Variants in OR1L8 observed in about 807,000 individuals in gnomAD.
The protein encoded by OR1L8 is olfactory receptor 1L8.
For synonymous variants in OR1L8, 148 were observed against 147.0 expected, an observed-to-expected ratio of 1.01 and a Z score of -0.05; for missense variants, 330 against 377.4, an observed-to-expected ratio of 0.87 and a Z score of 1.04.
rs144079113 is a variant in OR1L8 at position 122,567,627 on chromosome 9, A to G, written c.851T>C (p.Met284Thr). 3 of 1,613,940 alleles carry G rather than the reference A, an allele frequency of 1.9e-6. No individual in the cohort carries two copies. The African/African-American group carries it at 4.0e-5, about 22-fold the overall frequency. The change falls in exon 5 of 5, where the codon ATG becomes ACG. Residue 284 changes from methionine to threonine, a missense_variant. Transcript: ENST00000641027. ...ATIVYTVLSS[M>T]LNPFIYSLRN... ...CAGGCTGTAGATAAAAGGATTGAGC[A>G]TGGATGACAAAACTGTGTAAACAAT... is the stretch of plus-strand genomic sequence containing the variant.
intron 4 of OR1L8, 26 bp from the exon 5 acceptor site, chr9:122,568,715 C>G: frequency 2.5e-6 from 1 of 399,068 alleles, no homozygotes; most frequent in Admixed American, 4.1e-5. Flanking sequence ...GAGAGTTTTC[C>G]TTTAGAAACT....
downstream of OR1L8, among the ~76,000 whole-genome samples, chr9:122,564,392 G>A (rs1043950931): frequency 1.3e-5 from 2 of 152,180 alleles, no homozygotes; most frequent in African/African-American, 4.8e-5. Context: ...TTTGTTTCCT[G>A]ACTTGTGGAG....
the OR1L8 span, among the ~76,000 whole-genome samples, chr9:122,552,461 C>CA: frequency 2.0e-5 from 3 of 151,662 alleles, no homozygotes; most frequent in African/African-American, 7.3e-5. Context: ...TGCATAGCAG[C>CA]AAAAAAGGGA....
the OR1L8 span, among the ~76,000 whole-genome samples, chr9:122,556,405 T>C: frequency 2.0e-5 from 3 of 152,156 alleles, no homozygotes; most frequent in African/African-American, 7.2e-5. Flanking sequence ...TGTGGGTCTA[T>C]TTCTGGGCTC....
chr9:122,553,901 C>T, the OR1L8 span: 3 of 1,613,960 alleles, frequency 1.9e-6, no homozygotes, highest in East Asian at 6.7e-5. Flanking sequence ...CTGTGTTTGT[C>T]ATCTCATCTC....
intron 3 of OR1L8, among the ~76,000 whole-genome samples, chr9:122,575,241 T>C (rs1242992243): frequency 6.6e-6 from 1 of 152,122 alleles, no homozygotes; most frequent in Non-Finnish European, 1.5e-5. Context: ...TTCTATTGTC[T>C]GGAAGAGATT....
chr9:122,570,137 CAT>C (rs1829516990), intron 4 of OR1L8, among the ~76,000 whole-genome samples: 2 of 148,714 alleles, frequency 1.3e-5, no homozygotes, highest in African/African-American at 2.5e-5. Flanking sequence ...CCGCAATAAA[CAT>C]ATGTGTGCAT....
the OR1L8 span, among the ~76,000 whole-genome samples, chr9:122,546,855 G>C: frequency 6.6e-6 from 1 of 151,966 alleles, no homozygotes; most frequent in African/African-American, 2.4e-5. Flanking sequence ...GTATGTATTC[G>C]GGGGGTACAT....
chr9:122,570,582 C>G (rs1395197778), intron 4 of OR1L8, among the ~76,000 whole-genome samples: 1 of 152,290 alleles, frequency 6.6e-6, no homozygotes, highest in East Asian at 1.9e-4. Context: ...ATTTGAAAGA[C>G]TTAAAAGAGG....
the OR1L8 span, among the ~76,000 whole-genome samples, chr9:122,548,529 G>A: frequency 6.6e-6 from 1 of 151,838 alleles, no homozygotes; most frequent in Admixed American, 6.6e-5. Flanking sequence ...TTAGGAGATG[G>A]TTATATGTTT....
At chr9:122,565,487 T>G (rs1829413195), downstream of OR1L8, among the ~76,000 whole-genome samples, 1 of 152,204 alleles carries the variant, frequency 6.6e-6, no homozygotes, top group Non-Finnish European at 1.5e-5. Context: ...CAGCAGCATG[T>G]ACTCCCACTA....
At position 122,568,626 on chromosome 9, in the gene OR1L8, A is replaced by G. The variant is rs1829483139; in HGVS notation, c.-149T>C. The G allele has an allele frequency of 8.8e-6, 5 of 567,192 alleles. No individual in the cohort carries two copies. Among genetic ancestry groups the G allele is most frequent in the South Asian group, 2.6e-5 (1 of 38,318 alleles). 35.1% of individuals were successfully genotyped at this position (567,192 alleles called of 1,614,324 possible). A position where few individuals can be genotyped will look rare whatever the true frequency, so the allele number is the denominator to read the frequency against. On this transcript the variant is annotated 5_prime_UTR_variant, in exon 5 of 5. It removes an upstream start codon present in the reference 5' UTR. Coordinates refer to ENST00000641027, the MANE Select transcript of OR1L8 (RefSeq NM_001004454.2). ...AATTGTGGGATGGCTTGTTCACCTC[A>G]TGGTCCTTGATGGGGTCCTCCCTTC...
At chr9:122,568,958 A>C (rs767485808) in intron 4 of OR1L8, among the ~76,000 whole-genome samples, 2 of 151,228 alleles carry the variant, frequency 1.3e-5, no homozygotes, top group East Asian at 3.9e-4. Flanking sequence ...CTGGGGAGTC[A>C]GACTGGGGGT....
chr9:122,582,135 C>A (rs908508748), intron 1 of OR1L8, among the ~76,000 whole-genome samples: 2 of 151,986 alleles, frequency 1.3e-5, no homozygotes, highest in Admixed American at 6.6e-5. Flanking sequence ...CAAGAAAAAG[C>A]AAATTTCTTT....
intron 1 of OR1L8, 78 bp from the exon 2 acceptor site, chr9:122,578,523 C>G (rs576043418): frequency 1.3e-5 from 2 of 151,516 alleles, no homozygotes; most frequent in East Asian, 3.9e-4. Context: ...CACCACAATT[C>G]ACAATTGCAA....
rs151064091 is a variant in OR1L8, at chr9:122,567,221, A to AG, written c.*326dup. 7.1e-3 allele frequency: 1,434 copies of AG among 203,258 alleles called. 28 individuals are homozygous for AG. Among genetic ancestry groups the AG allele is most frequent in the African/African-American group, 0.031 (1,367 of 43,572 alleles). 12.6% of individuals were successfully genotyped at this position (203,258 alleles called of 1,614,324 possible). On this transcript the variant is annotated 3_prime_UTR_variant, in exon 5 of 5. Transcript: ENST00000641027. ...TATATTGAAATGTGAAGAATTTTGG[A>AG]GGATCTGCCTTAATAAAAGGAGAGA...
chr9:122,568,252 T>C lies in OR1L8; in HGVS notation c.226A>G (p.Thr76Ala). The C allele has an allele frequency of 6.2e-7, 1 of 1,614,040 alleles. No individual in the cohort carries two copies. Among genetic ancestry groups the C allele is most frequent in the Non-Finnish European group, 8.5e-7 (1 of 1,179,962 alleles). The change falls in exon 5 of 5, where the codon ACA (threonine) becomes GCA (alanine). Residue 76 changes from threonine to alanine, a missense_variant. By Grantham distance (58) the Thr-to-Ala change is moderately conservative (BLOSUM62 0). Coordinates refer to ENST00000641027, the MANE Select transcript of OR1L8 (RefSeq NM_001004454.2). ...ATCAGCATCTTGGGGACAACGCTTG[T>C]TGTAAAGCAAATATCAGTGAGAGAC... ...FLSLTDICFT[T>A]SVVPKMLMNF... is the part of the protein sequence containing the mutation.
chr9:122,565,499 C>T (rs1268323919), downstream of OR1L8, among the ~76,000 whole-genome samples: 1 of 152,212 alleles, frequency 6.6e-6, no homozygotes, highest in Admixed American at 6.5e-5. Flanking sequence ...CTCCCACTAA[C>T]CAGGGCTGAC....
At chr9:122,576,089 T>C (rs563825241) in intron 3 of OR1L8, among the ~76,000 whole-genome samples, 1 of 152,346 alleles carries the variant, frequency 6.6e-6, no homozygotes, top group South Asian at 2.1e-4. Flanking sequence ...CTTAATAATA[T>C]TGTAAGGCTG....
Sources: gnomAD v4.1 joint callset for allele counts (sites outside exome capture counted in the v4.1 genomes callset) on GRCh38, gnomAD v4.1.1 for gene constraint, MANE v1.5 for transcripts, NCBI Gene and HGNC (gene_info 2026-07-23, HGNC 2026-07-21) for gene names.